Variants in STK3 observed in about 807,000 individuals in gnomAD.
STK3 encodes the protein serine/threonine-protein kinase 3.
STK3 carries 41 observed loss-of-function variants against 58.0 expected under a neutral mutation model. That is an observed-to-expected ratio of 0.71 (90% CI 0.55 to 0.92). The LOEUF is 0.92. STK3 is among the 40% of genes least tolerant of loss of function. The pLI is 0.00. For missense variants in STK3, 479 were observed against 602.7 expected, an observed-to-expected ratio of 0.79 and a Z score of 2.15; for synonymous variants, 170 against 191.0, an observed-to-expected ratio of 0.89 and a Z score of 0.91.
At chr8:98,892,513 T>C (rs562331848) in intron 1 of STK3, among the ~76,000 whole-genome samples, 77 of 152,314 alleles carry the variant, frequency 5.1e-4, no homozygotes, top group African/African-American at 1.5e-3. Context: ...CTGACCACTG[T>C]GGGCTCTCCT....
chr8:98,886,252 T>C (rs979520011), intron 1 of STK3, among the ~76,000 whole-genome samples: 12 of 152,216 alleles, frequency 7.9e-5, no homozygotes, highest in Admixed American at 2.0e-4. Flanking sequence ...ATTGTACCAA[T>C]GTCAACTTCC....
intron 1 of STK3, among the ~76,000 whole-genome samples, chr8:98,913,252 A>G (rs944298492): frequency 3.3e-5 from 5 of 152,236 alleles, no homozygotes. Context: ...AAATTCCACA[A>G]ATTAAAAATG....
chr8:98,856,159 A>C (rs75959750), intron 3 of STK3, among the ~76,000 whole-genome samples: 1 of 149,024 alleles, frequency 6.7e-6, no homozygotes, highest in Non-Finnish European at 1.5e-5. Context: ...CCATCTCAAA[A>C]AAAAAAAAAA....
intron 3 of STK3, among the ~76,000 whole-genome samples, chr8:98,867,939 ACT>A: frequency 6.6e-6 from 1 of 152,072 alleles, no homozygotes. Context: ...CACAGGAAAT[ACT>A]CTCTTTAGGG....
intron 3 of STK3, among the ~76,000 whole-genome samples, chr8:98,760,017 G>C (rs1830521445): frequency 6.8e-6 from 1 of 146,238 alleles, no homozygotes; most frequent in Admixed American, 6.8e-5. Flanking sequence ...TACTGCATTG[G>C]TTTTTTTTTT....
chr8:98,351,290 A>G, the STK3 span, among the ~76,000 whole-genome samples: 1 of 152,216 alleles, frequency 6.6e-6, no homozygotes, highest in Non-Finnish European at 1.5e-5. Flanking sequence ...AATGAGTGCT[A>G]ATGATAAAGT....
chr8:98,362,501 C>T, the STK3 span, among the ~76,000 whole-genome samples: 4 of 152,106 alleles, frequency 2.6e-5, no homozygotes, highest in African/African-American at 7.2e-5. Context: ...AAATCCACTG[C>T]GCTTTAGAAG....
chr8:98,644,139 A>C (rs1186181587), intron 6 of STK3, among the ~76,000 whole-genome samples: 2 of 152,216 alleles, frequency 1.3e-5, no homozygotes, highest in Non-Finnish European at 2.9e-5. Flanking sequence ...ACTTCTTTTA[A>C]AGCCAAGTTT....
chr8:98,411,086 T>G (rs1327083529), intron 3 of STK3, among the ~76,000 whole-genome samples: 1 of 152,248 alleles, frequency 6.6e-6, no homozygotes, highest in Non-Finnish European at 1.5e-5. Context: ...TGTACACGCC[T>G]ACTAAGTGTA....
At chr8:98,776,237 G>T (rs953357863) in intron 1 of STK3, among the ~76,000 whole-genome samples, 5 of 152,186 alleles carry the variant, frequency 3.3e-5, no homozygotes, top group African/African-American at 9.7e-5. Flanking sequence ...CTGCTGTGTG[G>T]GAAAGATTGG....
chr8:98,910,519 G>T (rs189339225), intron 1 of STK3, among the ~76,000 whole-genome samples: 1 of 152,302 alleles, frequency 6.6e-6, no homozygotes, highest in East Asian at 1.9e-4. Flanking sequence ...TCTATAGTGT[G>T]ATCAACTTTG....
chr8:98,780,389 A>G (rs1037833372), intron 1 of STK3, among the ~76,000 whole-genome samples: 2 of 152,128 alleles, frequency 1.3e-5, no homozygotes, highest in African/African-American at 4.8e-5. Flanking sequence ...TTATGAGTGA[A>G]GTTGACCATC....
intron 1 of STK3, among the ~76,000 whole-genome samples, chr8:98,806,432 C>T (rs930514893): frequency 2.0e-5 from 3 of 152,140 alleles, no homozygotes; most frequent in Admixed American, 6.5e-5. Context: ...CAAAAGCATC[C>T]CTACCAGGGC....
the STK3 span, among the ~76,000 whole-genome samples, chr8:98,344,151 C>A: frequency 6.6e-6 from 1 of 152,064 alleles, no homozygotes; most frequent in Non-Finnish European, 1.5e-5. Context: ...AACTCCAGAA[C>A]CATAAAAACC....
intron 7 of STK3, chr8:98,594,926 T>C (rs1284345051): frequency 6.6e-6 from 1 of 152,218 alleles, no homozygotes; most frequent in African/African-American, 2.4e-5. Context: ...TTAAGATATG[T>C]ATATATGTTG....
intron 1 of STK3, among the ~76,000 whole-genome samples, chr8:98,786,867 A>G (rs1198323282): frequency 6.6e-6 from 1 of 152,002 alleles, no homozygotes; most frequent in Non-Finnish European, 1.5e-5. Flanking sequence ...CAAGGCATAT[A>G]CTCACCAGGC....
intron 1 of STK3, among the ~76,000 whole-genome samples, chr8:98,805,348 G>A (rs1833831091): frequency 6.6e-6 from 1 of 152,170 alleles, no homozygotes; most frequent in East Asian, 1.9e-4. Flanking sequence ...GGGAGGCCGA[G>A]GCGGGCAGAT....
At chr8:98,890,388 A>C (rs1446223489) in intron 1 of STK3, among the ~76,000 whole-genome samples, 1 of 152,254 alleles carries the variant, frequency 6.6e-6, no homozygotes, top group African/African-American at 2.4e-5. Flanking sequence ...GACAGCTGAC[A>C]GCCACAACAG....
Position 98,559,914 on chromosome 8 carries a change from A to G in STK3, c.949-11753T>C, listed in dbSNP as rs950675248. On this transcript the variant is annotated intron_variant, in intron 8 of 10. Coordinates refer to ENST00000419617, the MANE Select transcript of STK3 (RefSeq NM_006281.4). ...GAAAAAGGGCCCAGAAGAAAGGGATAATGTAGCTGACTAAAGAAACAAGCA... is the reference window on the plus strand; with the variant it reads ...GAAAAAGGGCCCAGAAGAAAGGGATGATGTAGCTGACTAAAGAAACAAGCA... Among the ~76,000 whole-genome samples the G allele has an allele frequency of 1.5e-3, 226 of 152,272 alleles. 2 individuals are homozygous for G. The highest frequency in any genetic ancestry group is 2.5e-4 in the Non-Finnish European group (17 of 68,002).
Sources: gnomAD v4.1 joint callset for allele counts (sites outside exome capture counted in the v4.1 genomes callset) on GRCh38, gnomAD v4.1.1 for gene constraint, MANE v1.5 for transcripts, NCBI Gene and HGNC (gene_info 2026-07-23, HGNC 2026-07-21) for gene names.